Variants in NUBP1 observed in about 807,000 individuals in gnomAD.
NUBP1 encodes NUBP iron-sulfur cluster assembly factor 1, cytosolic.
Under a neutral mutation model 41.8 loss-of-function variants are expected in NUBP1, and 46 were observed. The ratio of observed to expected loss-of-function variants is 1.10; its 90% CI spans 0.87 to 1.41. NUBP1 has a LOEUF of 1.41. Ranked by LOEUF, NUBP1 falls within the 40% of genes most tolerant of loss-of-function variation. The pLI, the probability that NUBP1 is intolerant of heterozygous loss-of-function variation, is 0.00. For synonymous variants in NUBP1, 189 were observed against 154.6 expected (o/e 1.22, Z -1.65); for missense variants, 494 against 414.0 (o/e 1.19, Z -1.68).
At chr16:10,756,852 C>G in intron 6 of NUBP1, 72 bp downstream of exon 6, 1 of 1,219,336 alleles carries the variant, frequency 8.2e-7, no homozygotes, top group Non-Finnish European at 1.2e-6. Flanking sequence ...TTATCTGCTC[C>G]CTGTCCTGCC....
In NUBP1 at chr16:10,756,688, A is replaced by G. The variant is rs1165260825; in HGVS notation, c.361-2A>G. ...CTTGCCCTCACCCTGTTCCCTCTGC[A>G]GTACGTGGAAGACAACCTGGGGGTG... is the stretch of plus-strand genomic sequence containing the variant. On this transcript the variant is annotated splice_acceptor_variant, in intron 5 of 10. Transcript: ENST00000283027. LOFTEE classifies it high-confidence loss of function. The G allele has an allele frequency of 6.4e-7, 1 of 1,557,856 alleles. No individual in the cohort carries two copies. Among genetic ancestry groups the G allele is most frequent in the East Asian group, 2.5e-5 (1 of 39,976 alleles).
At chr16:10,760,223 C>T (rs560057703) in intron 7 of NUBP1, among the ~76,000 whole-genome samples, 1 of 152,248 alleles carries the variant, frequency 6.6e-6, no homozygotes, top group Admixed American at 6.5e-5. Context: ...GTAGGCGTTG[C>T]GGACCCCACG....
Position 10,747,248 on chromosome 16 carries a change from A to G in NUBP1, c.230A>G (p.His77Arg), listed in dbSNP as rs766948315. 52 of 1,614,032 alleles carry G rather than the reference A, an allele frequency of 3.2e-5. No homozygotes were observed. In the Admixed American group the frequency reaches 6.5e-4, roughly 20 times the overall value. The stretch of plus-strand genomic sequence containing the variant: ...AGCACATTCAGCGCCCACCTTGCCC[A>G]TGGCCTAGCAGAGGATGAAAACACA... ...GKSTFSAHLA[H>R]GLAEDENTQI... The change falls in exon 3 of 11, where the codon CAT becomes CGT. Residue 77 changes from histidine (H) to arginine (R), a missense_variant. Physicochemically the swap from His to Arg is conservative, Grantham distance 29. Coordinates refer to ENST00000283027, the MANE Select transcript of NUBP1 (RefSeq NM_002484.4).
rs138984943 is a variant in NUBP1 at position 10,753,271 on chromosome 16, G to A, written c.327+593G>A. The stretch of plus-strand genomic sequence containing the variant: ...TCAGAGGGGAAGGGAAACAGCCAGT[G>A]AAATGCAGAAGTAAGACACGGAAAT... On this transcript the variant is annotated intron_variant, in intron 4 of 10. Coordinates refer to ENST00000283027, the MANE Select transcript of NUBP1 (RefSeq NM_002484.4). Among the ~76,000 whole-genome samples the A allele has an allele frequency of 3.5e-3, 532 of 152,334 alleles. 7 individuals are homozygous for A. Among genetic ancestry groups the A allele is most frequent in the African/African-American group, 0.012 (486 of 41,570 alleles).
At chr16:10,744,310 G>T (rs1180681025) in intron 2 of NUBP1, among the ~76,000 whole-genome samples, 1 of 152,230 alleles carries the variant, frequency 6.6e-6, no homozygotes, top group East Asian at 1.9e-4. Context: ...TGGCGCGGAT[G>T]GAGGGTGGAG....
At chr16:10,761,250 C>G in intron 7 of NUBP1, 114 bp from the exon 8 acceptor site, 2 of 933,542 alleles carry the variant, frequency 2.1e-6, no homozygotes, top group South Asian at 3.1e-5. Context: ...AGGGCAGAAA[C>G]CTCTAAGGCT....
Position 10,759,758 on chromosome 16 carries a change from A to G in NUBP1, c.607-1606A>G, listed in dbSNP as rs1009227324. Among the ~76,000 whole-genome samples the G allele has an allele frequency of 2.6e-5, 4 of 152,222 alleles. No individual in the cohort carries two copies. Among genetic ancestry groups the G allele is most frequent in the Non-Finnish European group, 1.5e-5 (1 of 68,036 alleles). ...GCCACTGCACTCCAGCCTGGGCGAC[A>G]GAGCAAGACTCTGTCTCAAAAAAAG... On this transcript the variant is annotated intron_variant, in intron 7 of 10. Coordinates refer to ENST00000283027, the MANE Select transcript of NUBP1 (RefSeq NM_002484.4). This position sits in a 1 kb window ranked among gnomAD's most constrained non-coding sequence, Gnocchi z 4.7.
chr16:10,752,556 T>C, intron 3 of NUBP1, 54 bp from the exon 4 acceptor site: 1 of 1,416,078 alleles, frequency 7.1e-7, no homozygotes, highest in Non-Finnish European at 1.0e-6. Flanking sequence ...GTTGTGTGTG[T>C]CTGGAGTGTG....
intron 4 of NUBP1, 122 bp downstream of exon 4, chr16:10,752,800 T>C: frequency 1.2e-6 from 1 of 840,678 alleles, no homozygotes; most frequent in Non-Finnish European, 1.9e-6. Flanking sequence ...TGTTGTTTTG[T>C]TTTGTTGTTT....
At chr16:10,744,767 C>CT (rs1467433962) in intron 2 of NUBP1, among the ~76,000 whole-genome samples, 13 of 150,936 alleles carry the variant, frequency 8.6e-5, no homozygotes, top group East Asian at 5.8e-4. Context: ...TTTTTTCCCC[C>CT]TTTTTTTTTA....
rs772036794 is a variant in NUBP1, at chr16:10,767,533, A to G, written c.821-416A>G. ...TTATATGCGCATAATCTTTCTGGAA[A>G]GACACCTAGAACACTAGTAGCCCTT... On this transcript the variant is annotated intron_variant, in intron 9 of 10. Transcript: ENST00000283027. This position sits in a 1 kb window ranked among gnomAD's most constrained non-coding sequence, Gnocchi z 4.6. The G allele has an allele frequency of 9.1e-5, 40 of 438,100 alleles. No individual in the cohort carries two copies. Among genetic ancestry groups the G allele is most frequent in the Non-Finnish European group, 1.4e-4 (35 of 250,376 alleles). 27.1% of individuals were successfully genotyped at this position (438,100 alleles called of 1,614,324 possible). A position where few individuals can be genotyped will look rare whatever the true frequency, so the allele number is the denominator to read the frequency against.
Position 10,766,695 on chromosome 16 carries a change from T to A in NUBP1, c.821-1254T>A. The A allele has an allele frequency of 5.4e-6, 2 of 367,892 alleles. No individual in the cohort carries two copies. The highest frequency in any genetic ancestry group is 9.6e-6 in the Non-Finnish European group (2 of 207,348). The allele number at this position is 367,892 out of a possible 1,614,324, so 22.8% of individuals were successfully genotyped here. A position where few individuals can be genotyped will look rare whatever the true frequency, so the allele number is the denominator to read the frequency against. ...ACAAAGAAAGGAAGGAAGGAAGGGA[T>A]TTATTGAAAATGAAAGTCAACTCCA... On this transcript the variant is annotated intron_variant, in intron 9 of 10. Transcript: ENST00000283027. This position sits in a 1 kb window ranked among gnomAD's most constrained non-coding sequence, Gnocchi z 4.8.
At position 10,744,048 on chromosome 16, in the gene NUBP1, G is replaced by A. The variant is rs1278048735; in HGVS notation, c.107G>A (p.Gly36Glu). The A allele has an allele frequency of 3.2e-6, 5 of 1,582,372 alleles. No individual in the cohort carries two copies. In the African/African-American group the frequency reaches 4.1e-5, roughly 13 times the overall value. Reference sequence around the variant, plus strand: ...CAGCGGCTGTGCGCTTCTGGAGCGGGGGCCACTCCGGACACGGGTGAGAAA... The same window carrying A: ...CAGCGGCTGTGCGCTTCTGGAGCGGAGGCCACTCCGGACACGGGTGAGAAA... ...PNQRLCASGA[G>E]ATPDTAIEEI... is the part of the protein sequence containing the mutation. Residue 36 changes from glycine (G) to glutamate (E), a missense_variant, in exon 2 of 11, where the codon GGG (glycine) becomes GAG (glutamate). Transcript: ENST00000283027.
In NUBP1 at chr16:10,767,886, G is replaced by T; in HGVS notation, c.821-63G>T. On this transcript the variant is annotated intron_variant, in intron 9 of 10. Transcript: ENST00000283027. This position sits in a 1 kb window ranked among gnomAD's most constrained non-coding sequence, Gnocchi z 4.6. Reference sequence around the variant, plus strand: ...GTCACCAGCACGGAAAGAGCCCCAAGATCTTGTGGCCATTCTGTTTTCCTC... The same window carrying T: ...GTCACCAGCACGGAAAGAGCCCCAATATCTTGTGGCCATTCTGTTTTCCTC... 1 of 1,466,254 alleles carries T rather than the reference G, an allele frequency of 6.8e-7. No homozygotes were observed. The highest frequency in any genetic ancestry group is 1.1e-5 in the South Asian group (1 of 88,038). The allele number at this position is 1,466,254 out of a possible 1,614,324, so 90.8% of individuals were successfully genotyped here.
chr16:10,755,462 G>C (rs963857239), intron 4 of NUBP1, among the ~76,000 whole-genome samples: 1 of 152,236 alleles, frequency 6.6e-6, no homozygotes, highest in South Asian at 2.1e-4. Context: ...ATTTGAACTT[G>C]AGTAACTTTG....
chr16:10,758,497 C>A (rs1384929914), intron 7 of NUBP1, among the ~76,000 whole-genome samples: 1 of 152,118 alleles, frequency 6.6e-6, no homozygotes, highest in Non-Finnish European at 1.5e-5. Flanking sequence ...AGAAAAACTT[C>A]ATCTTTGGTC....
chr16:10,760,676 G>A (rs1900886577), intron 7 of NUBP1, among the ~76,000 whole-genome samples: 2 of 152,166 alleles, frequency 1.3e-5, no homozygotes, highest in East Asian at 1.9e-4. Flanking sequence ...GGTCAAGGCT[G>A]CAGTGAGCAA....
rs372413429 is a variant in NUBP1 at position 10,743,931 on chromosome 16, T to C, written c.20-30T>C. On this transcript the variant is annotated intron_variant, in intron 1 of 10. Transcript: ENST00000283027. ...GTCGCGGGGCGAAAGTGTCGGGAGC[T>C]GCTCTAACTGTGGTCTTGTCTCTGC... 3.2e-5 allele frequency: 51 copies of C among 1,584,960 alleles called. No individual in the cohort carries two copies. In the East Asian group the frequency reaches 9.0e-4, roughly 28 times the overall value.
At chr16:10,744,177 A>T in intron 2 of NUBP1, 112 bp downstream of exon 2, 2 of 1,032,324 alleles carry the variant, frequency 1.9e-6, no homozygotes, top group Non-Finnish European at 2.7e-6. Context: ...GCAGGCTAGA[A>T]GGTATTGTAT....
Sources: allele counts gnomAD v4.1 joint callset (sites outside exome capture counted in the v4.1 genomes callset), GRCh38; gene constraint gnomAD v4.1.1; non-coding constraint Gnocchi (gnomAD v3.1); transcripts MANE v1.5; gene names NCBI Gene and HGNC (gene_info 2026-07-23, HGNC 2026-07-21).